The following DDIT4 variants were observed in gnomAD, a reference collection of about 807,000 sequenced individuals.
DDIT4 encodes the protein DNA damage-inducible transcript 4 protein.
Under a neutral mutation model 20.2 loss-of-function variants are expected in DDIT4, and 20 were observed. The ratio of observed to expected loss-of-function variants is 0.99; its 90% confidence interval spans 0.70 to 1.44. The LOEUF is 1.44. Among genes scored for constraint, DDIT4 ranks in the 40% most tolerant of loss-of-function variants. The pLI, the probability that DDIT4 is intolerant of heterozygous loss-of-function variation, is 0.00. For synonymous variants in DDIT4, 152 were observed against 144.6 expected (o/e 1.05, Z -0.37); for missense variants, 316 against 298.1 (o/e 1.06, Z -0.44).
In DDIT4 at chr10:72,274,315, C is replaced by T. The variant is rs11539947; in HGVS notation, c.99C>T (p.Ala33=). The change falls in exon 2 of 3, where the codon GCC becomes GCT. Residue 33 remains alanine, a synonymous_variant. Transcript: ENST00000307365. The stretch of plus-strand genomic sequence containing the variant: ...CCCCAGATCGGCCGCCGCGCTCAGC[C>T]TGGGGGTCGGCGACCCGGGAGGAGG... ...TPTPDRPPRS[A]WGSATREEGF... is the part of the protein sequence containing the mutation. 947 of 1,612,956 alleles carry T rather than the reference C, an allele frequency of 5.9e-4. 8 individuals are homozygous for T. In the African/African-American group the frequency reaches 0.011, roughly 19 times the overall value.
Position 72,274,974 on chromosome 10 carries a change from A to G in DDIT4, c.485A>G (p.Gln162Arg). The G allele has an allele frequency of 6.2e-7, 1 of 1,613,152 alleles. No individual in the cohort carries two copies. Among genetic ancestry groups the G allele is most frequent in the Non-Finnish European group, 8.5e-7 (1 of 1,179,972 alleles). ...GGCAAGAGCTGCCACAGCGTGGGCC[A>G]GCTGGCACTCGACCCCAGCCTGGTG... is the stretch of plus-strand genomic sequence containing the variant. The part of the protein sequence containing the change: ...EQGKSCHSVG[Q>R]LALDPSLVPT... Residue 162 changes from glutamine to arginine, a missense_variant, in exon 3 of 3, where the codon CAG (glutamine) becomes CGG (arginine). By Grantham distance (43) the Gln-to-Arg change is conservative (BLOSUM62 1). Coordinates refer to ENST00000307365, the MANE Select transcript of DDIT4 (RefSeq NM_019058.4).
In DDIT4 at chr10:72,274,432, G is replaced by C; in HGVS notation, c.205+11G>C. 1 of 1,544,054 alleles carries C rather than the reference G, an allele frequency of 6.5e-7. No individual in the cohort carries two copies. The highest frequency in any genetic ancestry group is 8.7e-7 in the Non-Finnish European group (1 of 1,149,144). On this transcript the variant is annotated intron_variant, in intron 2 of 2. Transcript: ENST00000307365. ...TCGGGCCGGAGGAAGGTGAGCGGTG[G>C]GCGGGTGCCGACGCGACTCGAGGGG... is the stretch of plus-strand genomic sequence containing the variant.
rs765476950 is a variant in DDIT4 at position 72,275,167 on chromosome 10, G to C, written c.678G>C (p.Gln226His). ...VIKKKLYSSE[Q>H]LLIEEC Reference sequence around the variant, plus strand: ...AGAAGAAGCTGTACAGCTCGGAACAGCTGCTCATTGAGGAGTGTTGAACTT... The same window carrying C: ...AGAAGAAGCTGTACAGCTCGGAACACCTGCTCATTGAGGAGTGTTGAACTT... The change falls in exon 3 of 3, where the codon CAG becomes CAC. Residue 226 changes from glutamine to histidine, a missense_variant. By Grantham distance (24) the Gln-to-His change is conservative. Transcript: ENST00000307365. 1.2e-5 allele frequency: 20 copies of C among 1,611,086 alleles called. No individual in the cohort carries two copies. In the African/African-American group the frequency reaches 2.4e-4, roughly 19 times the overall value.
rs1240944390 is a variant in DDIT4 at position 72,274,354 on chromosome 10, C to T, written c.138C>T (p.Ser46=). 2.5e-6 allele frequency: 4 copies of T among 1,610,932 alleles called. No homozygotes were observed. Among genetic ancestry groups the T allele is most frequent in the Non-Finnish European group, 2.5e-6 (3 of 1,179,696 alleles). Residue 46 remains serine, a synonymous_variant, in exon 2 of 3, where the codon TCC becomes TCT. Transcript: ENST00000307365. ...CCCGGGAGGAGGGGTTTGACCGCTC[C>T]ACGAGCCTGGAGAGCTCGGACTGCG... ...SATREEGFDR[S]TSLESSDCES...
rs202160677 is a variant in DDIT4, at chr10:72,274,690, T to G, written c.206-5T>G. 99 of 1,604,814 alleles carry G rather than the reference T, an allele frequency of 6.2e-5. No individual in the cohort carries two copies. The East Asian group carries it at 2.0e-3, about 33-fold the overall frequency. ...ATACCCCTTCCTGTGTGCTCTCCTT[T>G]CCAGACACGGCTTACCTGGATGGGG... On this transcript the variant is annotated splice_region_variant and splice_polypyrimidine_tract_variant and intron_variant, in intron 2 of 2. Coordinates refer to ENST00000307365, the MANE Select transcript of DDIT4 (RefSeq NM_019058.4).
At position 72,274,708 on chromosome 10, in the gene DDIT4, G is replaced by A; in HGVS notation, c.219G>A (p.Leu73=). The part of the protein sequence containing the change: ...GFGPEEDTAY[L]DGVSLPDFEL... ...TCTCCTTTCCAGACACGGCTTACCT[G>A]GATGGGGTGTCGTTGCCCGACTTCG... Residue 73 remains leucine, a synonymous_variant, in exon 3 of 3, where the codon CTG becomes CTA. Transcript: ENST00000307365. 1 of 1,610,528 alleles carries A rather than the reference G, an allele frequency of 6.2e-7. No homozygotes were observed. The highest frequency in any genetic ancestry group is 8.5e-7 in the Non-Finnish European group (1 of 1,177,612).
At position 72,275,107 on chromosome 10, in the gene DDIT4, G is replaced by A; in HGVS notation, c.618G>A (p.Gln206=). The A allele has an allele frequency of 6.2e-7, 1 of 1,613,334 alleles. No homozygotes were observed. ...ANSPFLPGFS[Q]SLTLSTGFRV... ...CTCCCTTCCTCCCTGGCTTCAGCCA[G>A]TCCCTGACGCTGAGCACTGGCTTCC... is the stretch of plus-strand genomic sequence containing the variant. The change falls in exon 3 of 3, where the codon CAG becomes CAA. Residue 206 remains glutamine, a synonymous_variant. Coordinates refer to ENST00000307365, the MANE Select transcript of DDIT4 (RefSeq NM_019058.4).
At position 72,275,225 on chromosome 10, in the gene DDIT4, C is replaced by T. The variant is rs936381031; in HGVS notation, c.*37C>T. ...AGGGGGCCGACAGTGCCCTCCAAGA[C>T]AGAGACGACTGAACTTTTGGGGTGG... On this transcript the variant is annotated 3_prime_UTR_variant, in exon 3 of 3. Coordinates refer to ENST00000307365, the MANE Select transcript of DDIT4 (RefSeq NM_019058.4). 1.3e-6 allele frequency: 2 copies of T among 1,565,946 alleles called. No individual in the cohort carries two copies. The highest frequency in any genetic ancestry group is 2.7e-5 in the African/African-American group (2 of 73,568).
Position 72,274,325 on chromosome 10 carries a change from G to A in DDIT4, c.109G>A (p.Ala37Thr). 1 of 1,612,526 alleles carries A rather than the reference G, an allele frequency of 6.2e-7. No individual in the cohort carries two copies. Among genetic ancestry groups the A allele is most frequent in the Non-Finnish European group, 8.5e-7 (1 of 1,179,960 alleles). ...DRPPRSAWGS[A>T]TREEGFDRST... ...GCCGCCGCGCTCAGCCTGGGGGTCG[G>A]CGACCCGGGAGGAGGGGTTTGACCG... Residue 37 changes from alanine (A) to threonine (T), a missense_variant, in exon 2 of 3, where the codon GCG becomes ACG. Coordinates refer to ENST00000307365, the MANE Select transcript of DDIT4 (RefSeq NM_019058.4).
In DDIT4 at chr10:72,275,273, G is replaced by A; in HGVS notation, c.*85G>A. On this transcript the variant is annotated 3_prime_UTR_variant, in exon 3 of 3. Coordinates refer to ENST00000307365, the MANE Select transcript of DDIT4 (RefSeq NM_019058.4). ...TGGAGACTAGAGGCAGGAGCTGAGG[G>A]ACTGATTCCTGTGGTTGGAAAACTG... The A allele has an allele frequency of 6.9e-7, 1 of 1,453,470 alleles. No homozygotes were observed. Among genetic ancestry groups the A allele is most frequent in the Non-Finnish European group, 9.2e-7 (1 of 1,088,588 alleles). 90.0% of individuals were successfully genotyped at this position (1,453,470 alleles called of 1,614,324 possible).
Position 72,274,840 on chromosome 10 carries a change from G to A in DDIT4, c.351G>A (p.Leu117=). The change falls in exon 3 of 3, where the codon CTG becomes CTA. Residue 117 remains leucine, a synonymous_variant. Transcript: ENST00000307365. ...ARLGSRRPAR[L]LMPSQLVSQV... ...TGGGCTCTCGACGCCCTGCGCGCCT[G>A]CTGATGCCTAGCCAGTTGGTAAGCC... is the stretch of plus-strand genomic sequence containing the variant. 1 of 1,613,592 alleles carries A rather than the reference G, an allele frequency of 6.2e-7. No individual in the cohort carries two copies. Among genetic ancestry groups the A allele is most frequent in the Non-Finnish European group, 8.5e-7 (1 of 1,180,022 alleles).
At position 72,275,353 on chromosome 10, in the gene DDIT4, A is replaced by G. The variant is rs906430620; in HGVS notation, c.*165A>G. 3 of 759,898 alleles carry G rather than the reference A, an allele frequency of 3.9e-6. No homozygotes were observed. The highest frequency in any genetic ancestry group is 6.2e-6 in the Non-Finnish European group (3 of 482,092). 47.1% of individuals were successfully genotyped at this position (759,898 alleles called of 1,614,324 possible). A position where few individuals can be genotyped will look rare whatever the true frequency, so the allele number is the denominator to read the frequency against. Reference sequence around the variant, plus strand: ...ATAGTGTTTCCCAGGAAGCTCATTGAGTTGTGTGCGGGTGGCTGTGCATTG... The same window carrying G: ...ATAGTGTTTCCCAGGAAGCTCATTGGGTTGTGTGCGGGTGGCTGTGCATTG... On this transcript the variant is annotated 3_prime_UTR_variant, in exon 3 of 3. Coordinates refer to ENST00000307365, the MANE Select transcript of DDIT4 (RefSeq NM_019058.4).
chr10:72,274,996 G>GA lies in DDIT4; in HGVS notation c.507_508insA (p.Val170SerfsTer25). On this transcript the variant is annotated frameshift_variant, in exon 3 of 3. Coordinates refer to ENST00000307365, the MANE Select transcript of DDIT4 (RefSeq NM_019058.4). LOFTEE classifies it high-confidence loss of function. ...GCCAGCTGGCACTCGACCCCAGCCT[G>GA]GTGCCCACCTTCCAGCTGACCCTCG... 6.2e-7 allele frequency: 1 copy of GA among 1,613,354 alleles called. No individual in the cohort carries two copies. The highest frequency in any genetic ancestry group is 8.5e-7 in the Non-Finnish European group (1 of 1,179,976).
Position 72,274,806 on chromosome 10 carries a change from AGGCGCGGCTG to A in DDIT4, c.321_330del (p.Arg108LeufsTer8). On this transcript the variant is annotated frameshift_variant, in exon 3 of 3. Transcript: ENST00000307365. LOFTEE classifies it high-confidence loss of function. ...CAGCTGCTGCAGGAGAGCCTGGCCCAGGCGCGGCTGGGCTCTCGACGCCCTGCGCGCCTGC... is the reference window on the plus strand; with the variant it reads ...CAGCTGCTGCAGGAGAGCCTGGCCCAGGCTCTCGACGCCCTGCGCGCCTGC... The A allele has an allele frequency of 1.2e-6, 2 of 1,613,872 alleles. No individual in the cohort carries two copies. The highest frequency in any genetic ancestry group is 8.5e-7 in the Non-Finnish European group (1 of 1,180,032).
chr10:72,275,329 T>C lies in DDIT4; in HGVS notation c.*141T>C. On this transcript the variant is annotated 3_prime_UTR_variant, in exon 3 of 3. Transcript: ENST00000307365. Reference sequence around the variant, plus strand: ...GCCACCTAAGGTGGAGGTGGGGGAATAGTGTTTCCCAGGAAGCTCATTGAG... The same window carrying C: ...GCCACCTAAGGTGGAGGTGGGGGAACAGTGTTTCCCAGGAAGCTCATTGAG... 1 of 915,712 alleles carries C rather than the reference T, an allele frequency of 1.1e-6. No homozygotes were observed. Among genetic ancestry groups the C allele is most frequent in the Non-Finnish European group, 1.6e-6 (1 of 621,792 alleles). The allele number at this position is 915,712 out of a possible 1,614,324, so 56.7% of individuals were successfully genotyped here.
chr10:72,275,518 T>G lies in DDIT4; in HGVS notation c.*330T>G. 4.2e-6 allele frequency: 1 copy of G among 236,216 alleles called. No individual in the cohort carries two copies. Among genetic ancestry groups the G allele is most frequent in the South Asian group, 6.2e-5 (1 of 16,168 alleles). 14.6% of individuals were successfully genotyped at this position (236,216 alleles called of 1,614,324 possible). On this transcript the variant is annotated 3_prime_UTR_variant, in exon 3 of 3. Transcript: ENST00000307365. ...AGTGGTGTGACATCCAGAGAGCAGC[T>G]GGGCTGCTCCCGCCCCAGCCCGGCC...
intron 2 of DDIT4, 31 bp downstream of exon 2, chr10:72,274,452 G>A (rs1428600302): frequency 2.0e-6 from 3 of 1,522,850 alleles, no homozygotes; most frequent in African/African-American, 1.4e-5. Context: ...GACGCGACTC[G>A]AGGGGCCGGG....
In DDIT4 at chr10:72,275,147, A is replaced by C; in HGVS notation, c.658A>C (p.Lys220Gln). Reference sequence around the variant, plus strand: ...CACTGGCTTCCGAGTCATCAAGAAGAAGCTGTACAGCTCGGAACAGCTGCT... The same window carrying C: ...CACTGGCTTCCGAGTCATCAAGAAGCAGCTGTACAGCTCGGAACAGCTGCT... The part of the protein sequence containing the change: ...LSTGFRVIKK[K>Q]LYSSEQLLIE... Residue 220 changes from lysine to glutamine, a missense_variant, in exon 3 of 3, where the codon AAG becomes CAG. Transcript: ENST00000307365. 1 of 1,612,884 alleles carries C rather than the reference A, an allele frequency of 6.2e-7. No individual in the cohort carries two copies. The highest frequency in any genetic ancestry group is 8.5e-7 in the Non-Finnish European group (1 of 1,179,998).
In DDIT4 at chr10:72,274,922, G is replaced by T. The variant is rs761383598; in HGVS notation, c.433G>T (p.Ala145Ser). The T allele has an allele frequency of 1.2e-6, 2 of 1,612,422 alleles. No homozygotes were observed. Among genetic ancestry groups the T allele is most frequent in the East Asian group, 4.5e-5 (2 of 44,880 alleles). Reference protein sequence around the residue: ...AYSEPCGLRGALLDVCVEQGK... With the variant: ...AYSEPCGLRGSLLDVCVEQGK... ...CAGCGAGCCGTGCGGCCTGCGGGGGGCGCTGCTGGACGTCTGCGTGGAGCA... is the reference window on the plus strand; with the variant it reads ...CAGCGAGCCGTGCGGCCTGCGGGGGTCGCTGCTGGACGTCTGCGTGGAGCA... Residue 145 changes from alanine to serine, a missense_variant, in exon 3 of 3, where the codon GCG becomes TCG. Coordinates refer to ENST00000307365, the MANE Select transcript of DDIT4 (RefSeq NM_019058.4).
Sources: allele counts gnomAD v4.1 joint callset, GRCh38; gene constraint gnomAD v4.1.1; transcripts MANE v1.5; gene names NCBI Gene and HGNC (gene_info 2026-07-23, HGNC 2026-07-21).